LRPPRC: variants seen among roughly 807,000 people sequenced by gnomAD.
The protein encoded by LRPPRC is leucine rich pentatricopeptide repeat containing.
LRPPRC carries 120 observed loss-of-function variants against 180.3 expected under a neutral mutation model. That is an observed-to-expected ratio of 0.67 (90% CI 0.57 to 0.77). The LOEUF (loss-of-function observed/expected upper bound fraction) is 0.77, where lower values mean the gene tolerates loss of function less well. LRPPRC is among the 30% of genes least tolerant of loss of function. The pLI is 0.00. For missense variants in LRPPRC, 2,012 were observed against 1,657.2 expected, an observed-to-expected ratio of 1.21 and a Z score of -3.72; for synonymous variants, 723 against 600.0, an observed-to-expected ratio of 1.21 and a Z score of -3.00.
In LRPPRC at chr2:43,906,528, A is replaced by C. The variant is rs369162978; in HGVS notation, c.3276-748T>G. Among the ~76,000 whole-genome samples the C allele has an allele frequency of 2.6e-5, 4 of 152,318 alleles. No individual in the cohort carries two copies. In the East Asian group the frequency reaches 7.7e-4, roughly 29 times the overall value. On this transcript the variant is annotated intron_variant, in intron 30 of 37. Coordinates refer to ENST00000260665, the MANE Select transcript of LRPPRC (RefSeq NM_133259.4). ...CTAGCTGGAGATTTCTGTTTGCTAC[A>C]CTGTTTGCGCATCTCCTGTGATGAA...
intron 25 of LRPPRC, among the ~76,000 whole-genome samples, chr2:43,926,295 T>C (rs766943211): frequency 3.3e-5 from 5 of 152,188 alleles, no homozygotes; most frequent in Non-Finnish European, 7.3e-5. Flanking sequence ...CTTTAATTAA[T>C]AAAATGGTTA....
chr2:43,968,636 A>G (rs1673663081), intron 11 of LRPPRC, among the ~76,000 whole-genome samples: 1 of 152,240 alleles, frequency 6.6e-6, no homozygotes, highest in Non-Finnish European at 1.5e-5. Context: ...CTAGACACAG[A>G]AAGACAATAC....
chr2:43,992,599 T>C (rs1174144065), intron 1 of LRPPRC, among the ~76,000 whole-genome samples: 1 of 152,082 alleles, frequency 6.6e-6, no homozygotes, highest in Non-Finnish European at 1.5e-5. Flanking sequence ...TAGGGAATGA[T>C]GAAGGGGCTG....
chr2:43,970,092 A>G (rs960203047), intron 11 of LRPPRC, among the ~76,000 whole-genome samples: 1 of 152,218 alleles, frequency 6.6e-6, no homozygotes, highest in African/African-American at 2.4e-5. Flanking sequence ...GTGTTTGAAA[A>G]CTGGCCACCA....
intron 14 of LRPPRC, among the ~76,000 whole-genome samples, chr2:43,955,632 C>G (rs1176233837): frequency 6.6e-6 from 1 of 151,992 alleles, no homozygotes; most frequent in Non-Finnish European, 1.5e-5. Flanking sequence ...CCCAGCTGCT[C>G]GGGAGGCTAC....
intron 18 of LRPPRC, 51 bp downstream of exon 18, chr2:43,948,071 G>C: frequency 8.3e-7 from 1 of 1,197,966 alleles, no homozygotes. Context: ...TTAACATGCT[G>C]TTATATGTAA....
chr2:43,912,897 G>T (rs1383491133), intron 29 of LRPPRC, among the ~76,000 whole-genome samples: 2 of 152,088 alleles, frequency 1.3e-5, no homozygotes, highest in Non-Finnish European at 2.9e-5. Context: ...GACGATACTA[G>T]TTTCAAAATA....
intron 32 of LRPPRC, among the ~76,000 whole-genome samples, chr2:43,900,386 T>C (rs62138482): frequency 0.088 from 13,331 of 152,168 alleles, 665 homozygotes; most frequent in South Asian, 0.14. Flanking sequence ...CATAATTCTC[T>C]AACTAAAAAT....
At chr2:43,901,087 C>T (rs932526236) in intron 32 of LRPPRC, among the ~76,000 whole-genome samples, 40 of 152,168 alleles carry the variant, frequency 2.6e-4, no homozygotes, top group African/African-American at 8.9e-4. Context: ...GAAAGGTTAT[C>T]AACTGTGGAG....
intron 21 of LRPPRC, 138 bp downstream of exon 21, chr2:43,945,975 A>T (rs1384764274): frequency 1.1e-6 from 1 of 902,288 alleles, no homozygotes; most frequent in Non-Finnish European, 1.8e-6. Context: ...GTATAATACG[A>T]AATTTCAAAA....
chr2:43,938,437 T>C (rs1422932037), intron 23 of LRPPRC, among the ~76,000 whole-genome samples: 1 of 152,198 alleles, frequency 6.6e-6, no homozygotes, highest in Non-Finnish European at 1.5e-5. Flanking sequence ...GCAAGAAATT[T>C]GGAAACTTAA....
At position 43,888,589 on chromosome 2, in the gene LRPPRC, G is replaced by A. The variant is rs752744805; in HGVS notation, c.*11C>T. On this transcript the variant is annotated 3_prime_UTR_variant, in exon 38 of 38. Coordinates refer to ENST00000260665, the MANE Select transcript of LRPPRC (RefSeq NM_133259.4). ...ACAAATATATACAAAACAAAGTATC[G>A]CCTGGTTATTTCAAGAAGAGTTTTC... 22 of 1,518,962 alleles carry A rather than the reference G, an allele frequency of 1.4e-5. 1 individual carries two copies. The East Asian group carries it at 2.0e-4, about 14-fold the overall frequency. 94.1% of individuals were successfully genotyped at this position (1,518,962 alleles called of 1,614,324 possible).
Position 43,977,198 on chromosome 2 carries a change from T to C in LRPPRC, c.548A>G (p.Asp183Gly), listed in dbSNP as rs111983971. 24 of 1,608,958 alleles carry C rather than the reference T, an allele frequency of 1.5e-5. No individual in the cohort carries two copies. Among genetic ancestry groups the C allele is most frequent in the Non-Finnish European group, 5.1e-6 (6 of 1,175,406 alleles). Residue 183 changes from aspartate (D) to glycine (G), a missense_variant, in exon 4 of 38, where the codon GAT becomes GGT. Asp to Gly is a moderately conservative substitution (Grantham distance 94). Transcript: ENST00000260665. Reference sequence around the variant, plus strand: ...TGCTTCCTCCATTTTTGCCAGGAAATCAGTTGGTGAGAATTTATATTCATT... The same window carrying C: ...TGCTTCCTCCATTTTTGCCAGGAAACCAGTTGGTGAGAATTTATATTCATT... The part of the protein sequence containing the change: ...LQNEYKFSPT[D>G]FLAKMEEANI...
At chr2:43,945,482 T>A (rs1672647894) in intron 21 of LRPPRC, 65 bp from the exon 22 acceptor site, 1 of 908,266 alleles carries the variant, frequency 1.1e-6, no homozygotes, top group Non-Finnish European at 1.8e-6. Flanking sequence ...AACAGCAACA[T>A]CCATTTAATC....
intron 29 of LRPPRC, among the ~76,000 whole-genome samples, chr2:43,913,990 C>T (rs1671354328): frequency 6.6e-6 from 1 of 152,150 alleles, no homozygotes; most frequent in Admixed American, 6.5e-5. Context: ...CTTTTATTTA[C>T]TTATTAAAGT....
At position 43,901,542 on chromosome 2, in the gene LRPPRC, G is replaced by A; in HGVS notation, c.3365-18C>T. 2 of 1,551,526 alleles carry A rather than the reference G, an allele frequency of 1.3e-6. No homozygotes were observed. Among genetic ancestry groups the A allele is most frequent in the Non-Finnish European group, 8.9e-7 (1 of 1,122,980 alleles). ...CACAGCCTCTAAAATACAAGAGCAG[G>A]AGATGGCTTTTCTTATATGACCTGT... is the stretch of plus-strand genomic sequence containing the variant. On this transcript the variant is annotated intron_variant, in intron 31 of 37. Coordinates refer to ENST00000260665, the MANE Select transcript of LRPPRC (RefSeq NM_133259.4).
chr2:43,965,838 G>T (rs917943686), intron 11 of LRPPRC, among the ~76,000 whole-genome samples: 2 of 152,278 alleles, frequency 1.3e-5, no homozygotes, highest in African/African-American at 4.8e-5. Flanking sequence ...CTGTCAGAAT[G>T]GCTACTATCA....
rs1007032042 is a variant in LRPPRC at position 43,980,982 on chromosome 2, C to A, written c.347-1034G>T. ...TACATAACTATAGTAATAATTAATA[C>A]TTCTTTGGTATCTCTCACCATCAGA... On this transcript the variant is annotated intron_variant, in intron 2 of 37. Transcript: ENST00000260665. Among the ~76,000 whole-genome samples, 21 of 152,176 alleles carry A rather than the reference C, an allele frequency of 1.4e-4. 1 individual carries two copies. The highest frequency in any genetic ancestry group is 5.1e-4 in the African/African-American group (21 of 41,436).
chr2:43,896,520 C>T (rs1326622003), intron 35 of LRPPRC, 114 bp downstream of exon 35: 1 of 703,198 alleles, frequency 1.4e-6, no homozygotes, highest in East Asian at 2.9e-5. Flanking sequence ...AGTCTTGAAT[C>T]TCTATAGTAT....
Sources: allele counts gnomAD v4.1 joint callset (sites outside exome capture counted in the v4.1 genomes callset), GRCh38; gene constraint gnomAD v4.1.1; transcripts MANE v1.5; gene names NCBI Gene and HGNC (gene_info 2026-07-23, HGNC 2026-07-21).